Variants in STEAP3 observed in about 807,000 individuals in gnomAD.
STEAP3 encodes the protein metalloreductase STEAP3.
A neutral mutation model predicts 34.9 loss-of-function variants in STEAP3; 35 were observed. That is an observed-to-expected ratio of 1.00 (90% CI 0.76 to 1.33). The LOEUF (loss-of-function observed/expected upper bound fraction) is 1.33, where lower values mean the gene tolerates loss of function less well. Among genes scored for constraint, STEAP3 ranks in the 40% most tolerant of loss-of-function variants. STEAP3 has a pLI of 0.00. For missense variants in STEAP3, 652 were observed against 667.6 expected (o/e 0.98, Z 0.26); for synonymous variants, 281 against 301.6 (o/e 0.93, Z 0.71).
At position 119,265,119 on chromosome 2, in the gene STEAP3, C is replaced by CTACTAATGAGA. The variant is rs1384995669; in HGVS notation, c.*1782_*1792dup. ...GGCATAACAAGGGCCCATCGATTCC[C>CTACTAATGAGA]TACTAATGAGAGGCAGGGAGAGCAT... is the stretch of plus-strand genomic sequence containing the variant. On this transcript the variant is annotated 3_prime_UTR_variant, in exon 6 of 6. Coordinates refer to ENST00000393110, the MANE Select transcript of STEAP3 (RefSeq NM_182915.3). 1 of 152,234 alleles carries CTACTAATGAGA rather than the reference C, an allele frequency of 6.6e-6. No homozygotes were observed. Among genetic ancestry groups the CTACTAATGAGA allele is most frequent in the Non-Finnish European group, 1.5e-5 (1 of 68,084 alleles). The allele number at this position is 152,234 out of a possible 1,614,324, so 9.4% of individuals were successfully genotyped here. A position where few individuals can be genotyped will look rare whatever the true frequency, so the allele number is the denominator to read the frequency against.
chr2:119,262,657 C>T (rs569218348), intron 5 of STEAP3, among the ~76,000 whole-genome samples: 14 of 152,278 alleles, frequency 9.2e-5, no homozygotes, highest in African/African-American at 3.1e-4. Flanking sequence ...GGATTACAGG[C>T]GAGAGCCACC....
Position 119,247,919 on chromosome 2 carries a change from A to C in STEAP3, c.763A>C (p.Asn255His), listed in dbSNP as rs762666081. Residue 255 changes from asparagine to histidine, a missense_variant, in exon 4 of 6, where the codon AAC becomes CAC. By Grantham distance (68) the Asn-to-His change is moderately conservative (BLOSUM62 1). Transcript: ENST00000393110. ...GCAGCCCTATGTGCAGGAAAGCCAG[A>C]ACAAGTTCTTCAAGCTGCCCGTGTC... is the stretch of plus-strand genomic sequence containing the variant. Reference protein sequence around the residue: ...VLQPYVQESQNKFFKLPVSVV... With the variant: ...VLQPYVQESQHKFFKLPVSVV... 8.1e-6 allele frequency: 13 copies of C among 1,613,734 alleles called. No homozygotes were observed. Among genetic ancestry groups the C allele is most frequent in the Non-Finnish European group, 1.1e-5 (13 of 1,179,996 alleles).
At chr2:119,240,153 G>A (rs1014540914) in intron 2 of STEAP3, among the ~76,000 whole-genome samples, 1 of 152,206 alleles carries the variant, frequency 6.6e-6, no homozygotes, top group Admixed American at 6.5e-5. Flanking sequence ...GCAGTGAGTC[G>A]AGATCGCGCC....
chr2:119,258,254 C>T (rs1434893635), intron 5 of STEAP3, among the ~76,000 whole-genome samples: 2 of 145,354 alleles, frequency 1.4e-5, no homozygotes, highest in Non-Finnish European at 3.1e-5. Flanking sequence ...AGGTCACTCT[C>T]GTTGCCATGT....
At chr2:119,238,529 C>T (rs541520853) in intron 2 of STEAP3, among the ~76,000 whole-genome samples, 8 of 152,294 alleles carry the variant, frequency 5.3e-5, no homozygotes, top group African/African-American at 1.9e-4. Context: ...TATTTAGAAA[C>T]AGGTCCCCTT....
At chr2:119,245,262 T>G in intron 2 of STEAP3, 1 of 523,238 alleles carries the variant, frequency 1.9e-6, no homozygotes, top group East Asian at 3.0e-5. Flanking sequence ...GGACAAAGGG[T>G]GGAGGGCAGA....
intron 2 of STEAP3, among the ~76,000 whole-genome samples, chr2:119,234,257 G>A (rs972678453): frequency 9.2e-5 from 14 of 152,236 alleles, no homozygotes; most frequent in African/African-American, 3.4e-4. Context: ...AACAAGGGGA[G>A]GGGTGGGGGC....
rs115007199 is a variant in STEAP3 at position 119,235,969 on chromosome 2, C to G, written c.22+4935C>G. Among the ~76,000 whole-genome samples, 1,252 of 152,322 alleles carry G rather than the reference C, an allele frequency of 8.2e-3. 6 individuals carry two copies. Among genetic ancestry groups the G allele is most frequent in the Non-Finnish European group, 0.014 (939 of 68,024 alleles). ...GCAGGTCCTCCTACTCTTCCCTCCA[C>G]CCCAGATCTTCTGCTCTGCTCTTCC... On this transcript the variant is annotated intron_variant, in intron 2 of 5. Transcript: ENST00000393110.
intron 5 of STEAP3, among the ~76,000 whole-genome samples, chr2:119,257,979 G>T (rs1423019898): frequency 1.3e-5 from 2 of 152,156 alleles, no homozygotes; most frequent in African/African-American, 4.8e-5. Context: ...ATAAAAGAAT[G>T]GCTACTCCAT....
chr2:119,230,184 A>T (rs1679171072), intron 1 of STEAP3, among the ~76,000 whole-genome samples: 1 of 152,196 alleles, frequency 6.6e-6, no homozygotes, highest in Non-Finnish European at 1.5e-5. Flanking sequence ...GCTTGCACAT[A>T]ATTCACTTCA....
In STEAP3 at chr2:119,243,581, G is replaced by C. The variant is rs74784440; in HGVS notation, c.23-1908G>C. ...CCAGAGGCCCATCACCCGAGGAAAGGCCTGACAGCAGCAATGGGTGTATGG... is the reference window on the plus strand; with the variant it reads ...CCAGAGGCCCATCACCCGAGGAAAGCCCTGACAGCAGCAATGGGTGTATGG... On this transcript the variant is annotated intron_variant, in intron 2 of 5. Transcript: ENST00000393110. 3.9e-5 allele frequency among the ~76,000 whole-genome samples: 6 copies of C among 152,324 alleles called. No individual in the cohort carries two copies. The South Asian group carries it at 8.3e-4, about 21-fold the overall frequency.
intron 2 of STEAP3, among the ~76,000 whole-genome samples, chr2:119,231,637 C>T (rs1324932752): frequency 2.0e-5 from 3 of 152,028 alleles, no homozygotes; most frequent in Admixed American, 6.6e-5. Flanking sequence ...CTTGCGCGCA[C>T]GTGTATTTCT....
Position 119,247,902 on chromosome 2 carries a change from A to C in STEAP3, c.746A>C (p.Tyr249Ser), listed in dbSNP as rs200036023. 54 of 1,613,806 alleles carry C rather than the reference A, an allele frequency of 3.3e-5. No individual in the cohort carries two copies. Among genetic ancestry groups the C allele is most frequent in the Non-Finnish European group, 4.3e-5 (51 of 1,179,990 alleles). ...TTCGTCCGGGACGTTCTGCAGCCCTATGTGCAGGAAAGCCAGAACAAGTTC... is the reference window on the plus strand; with the variant it reads ...TTCGTCCGGGACGTTCTGCAGCCCTCTGTGCAGGAAAGCCAGAACAAGTTC... Reference protein sequence around the residue: ...YNFVRDVLQPYVQESQNKFFK... With the variant: ...YNFVRDVLQPSVQESQNKFFK... The change falls in exon 4 of 6, where the codon TAT (tyrosine) becomes TCT (serine). Residue 249 changes from tyrosine (Y) to serine (S), a missense_variant. Tyr to Ser is a moderately radical substitution (Grantham distance 144). Coordinates refer to ENST00000393110, the MANE Select transcript of STEAP3 (RefSeq NM_182915.3).
intron 5 of STEAP3, among the ~76,000 whole-genome samples, chr2:119,258,200 T>C (rs1677830622): frequency 6.6e-6 from 1 of 152,210 alleles, no homozygotes; most frequent in Non-Finnish European, 1.5e-5. Flanking sequence ...TGGGAGTGTT[T>C]TTTAACATGC....
At chr2:119,239,936 T>G (rs539660588) in intron 2 of STEAP3, among the ~76,000 whole-genome samples, 67 of 152,342 alleles carry the variant, frequency 4.4e-4, no homozygotes, top group African/African-American at 1.6e-3. Context: ...GCTGCATAAG[T>G]GTACATTTTG....
intron 1 of STEAP3, among the ~76,000 whole-genome samples, chr2:119,229,669 T>C (rs776018290): frequency 1.4e-4 from 22 of 151,804 alleles, no homozygotes; most frequent in Non-Finnish European, 2.1e-4. Context: ...CCGGGAGAGA[T>C]TGTCAGGGGT....
rs1678037353 is a variant in STEAP3 at position 119,264,241 on chromosome 2, A to G, written c.*903A>G. 6.5e-6 allele frequency: 1 copy of G among 152,694 alleles called. No individual in the cohort carries two copies. Among genetic ancestry groups the G allele is most frequent in the Non-Finnish European group, 1.5e-5 (1 of 68,102 alleles). The allele number at this position is 152,694 out of a possible 1,614,324, so 9.5% of individuals were successfully genotyped here. On this transcript the variant is annotated 3_prime_UTR_variant, in exon 6 of 6. Coordinates refer to ENST00000393110, the MANE Select transcript of STEAP3 (RefSeq NM_182915.3). ...CAGGAAGGCCTAGAGCAGACCCTTT[A>G]GAAATCAGCCCAAGGGGGAGAGCAA...
intron 2 of STEAP3, among the ~76,000 whole-genome samples, chr2:119,243,175 C>T (rs889379936): frequency 5.9e-5 from 9 of 152,308 alleles, no homozygotes; most frequent in Non-Finnish European, 1.2e-4. Flanking sequence ...CAGGCAGGGC[C>T]ATGTTTCAAA....
chr2:119,247,864 C>T lies in STEAP3; in HGVS notation c.708C>T (p.Phe236=), dbSNP rs1043920214. 1 of 1,613,710 alleles carries T rather than the reference C, an allele frequency of 6.2e-7. No homozygotes were observed. Among genetic ancestry groups the T allele is most frequent in the African/African-American group, 1.3e-5 (1 of 74,940 alleles). The change falls in exon 4 of 6, where the codon TTC becomes TTT. Residue 236 remains phenylalanine (F), a synonymous_variant. Coordinates refer to ENST00000393110, the MANE Select transcript of STEAP3 (RefSeq NM_182915.3). The stretch of plus-strand genomic sequence containing the variant: ...TGGCCCTGGGGCTCTTCGTCTGCTT[C>T]TATGCCTACAACTTCGTCCGGGACG... The part of the protein sequence containing the change: ...TLLALGLFVC[F]YAYNFVRDVL...
Sources: allele counts gnomAD v4.1 joint callset (sites outside exome capture counted in the v4.1 genomes callset), GRCh38; gene constraint gnomAD v4.1.1; transcripts MANE v1.5; gene names NCBI Gene and HGNC (gene_info 2026-07-23, HGNC 2026-07-21).